The following RAP1GDS1 variants were observed in gnomAD, a reference collection of about 807,000 sequenced individuals.
RAP1GDS1 encodes the protein Rap1 GTPase-GDP dissociation stimulator 1, also known as RAP1, GTP-GDP dissociation stimulator 1.
In RAP1GDS1, 35 loss-of-function variants were observed where a neutral mutation model predicts 71.1. That is an observed-to-expected ratio of 0.49 (90% CI 0.38 to 0.65). The LOEUF (loss-of-function observed/expected upper bound fraction) is 0.65, where lower values mean the gene tolerates loss of function less well. Among genes scored for constraint, RAP1GDS1 ranks in the 30% least tolerant of loss-of-function variants. RAP1GDS1 has a pLI of 0.00. For missense variants in RAP1GDS1, 663 were observed against 706.1 expected (o/e 0.94, Z 0.69); for synonymous variants, 229 against 243.1 (o/e 0.94, Z 0.54).
chr4:98,311,659 C>A (rs893258620), intron 2 of RAP1GDS1, among the ~76,000 whole-genome samples: 1 of 152,104 alleles, frequency 6.6e-6, no homozygotes, highest in Non-Finnish European at 1.5e-5. Context: ...TGTTTTGAGA[C>A]AGGGTTTTGC....
intron 4 of RAP1GDS1, among the ~76,000 whole-genome samples, chr4:98,353,122 A>G (rs1737456742): frequency 6.6e-6 from 1 of 152,202 alleles, no homozygotes; most frequent in Admixed American, 6.5e-5. Flanking sequence ...ACATTCTATA[A>G]TATACTGTTC....
chr4:98,367,931 A>G (rs1560910821), intron 4 of RAP1GDS1, among the ~76,000 whole-genome samples: 1 of 152,276 alleles, frequency 6.6e-6, no homozygotes, highest in Non-Finnish European at 1.5e-5. Context: ...TAATGCTGAA[A>G]TAAGAATTTG....
In RAP1GDS1 at chr4:98,416,835, A is replaced by G; in HGVS notation, c.854A>G (p.Asp285Gly). 6.2e-7 allele frequency: 1 copy of G among 1,614,020 alleles called. No homozygotes were observed. ...AAAGTGGATAGTGACAAAGAAGATG[A>G]TATTACTGAGCTCAAAACTGGTTCA... ...QQKVDSDKED[D>G]ITELKTGSDL... The change falls in exon 8 of 15, where the codon GAT becomes GGT. Residue 285 changes from aspartate to glycine, a missense_variant. Coordinates refer to ENST00000408927, the MANE Select transcript of RAP1GDS1 (RefSeq NM_001100427.2).
At chr4:98,414,919 A>G (rs1747699033) in intron 7 of RAP1GDS1, among the ~76,000 whole-genome samples, 3 of 151,570 alleles carry the variant, frequency 2.0e-5, no homozygotes, top group African/African-American at 4.9e-5. Flanking sequence ...TTCTCCTTGA[A>G]GAGGTCCTTC....
At chr4:98,270,139 T>A (rs964693191) in intron 1 of RAP1GDS1, among the ~76,000 whole-genome samples, 1 of 152,012 alleles carries the variant, frequency 6.6e-6, no homozygotes, top group Non-Finnish European at 1.5e-5. Flanking sequence ...AAAGAGAAAA[T>A]CCACTCTGGT....
At chr4:98,366,706 G>A (rs1367562623) in intron 4 of RAP1GDS1, among the ~76,000 whole-genome samples, 15 of 152,140 alleles carry the variant, frequency 9.9e-5, no homozygotes, top group Admixed American at 9.8e-4. Context: ...TGGAGCAAAG[G>A]TGATTCTTGT....
chr4:98,323,353 A>G (rs1578436415), intron 2 of RAP1GDS1, among the ~76,000 whole-genome samples: 2 of 140,368 alleles, frequency 1.4e-5, no homozygotes, highest in South Asian at 2.3e-4. Context: ...ACAAGGAGGA[A>G]CTGGTACCAT....
chr4:98,330,225 A>G (rs1436975457), intron 2 of RAP1GDS1, among the ~76,000 whole-genome samples: 1 of 152,242 alleles, frequency 6.6e-6, no homozygotes, highest in African/African-American at 2.4e-5. Flanking sequence ...ACTTCTTTCT[A>G]CACAGACACA....
intron 9 of RAP1GDS1, 74 bp from the exon 10 acceptor site, chr4:98,418,583 G>T: frequency 7.7e-7 from 1 of 1,294,412 alleles, no homozygotes; most frequent in Non-Finnish European, 1.0e-6. Flanking sequence ...GTAGATAATA[G>T]CCAGACATCA....
intron 2 of RAP1GDS1, among the ~76,000 whole-genome samples, chr4:98,325,499 A>G (rs1448655994): frequency 2.0e-5 from 3 of 151,866 alleles, no homozygotes; most frequent in African/African-American, 7.3e-5. Context: ...ATTATTCACA[A>G]TAGCAAAGAC....
At position 98,442,146 on chromosome 4, in the gene RAP1GDS1, T is replaced by C. The variant is rs1255556611; in HGVS notation, c.*29T>C. On this transcript the variant is annotated 3_prime_UTR_variant, in exon 15 of 15. Coordinates refer to ENST00000408927, the MANE Select transcript of RAP1GDS1 (RefSeq NM_001100427.2). Reference sequence around the variant, plus strand: ...CTGCCCGATACACGGCATCATCCCATCTCTAATTTCCCCTCTGTCCTCCAT... The same window carrying C: ...CTGCCCGATACACGGCATCATCCCACCTCTAATTTCCCCTCTGTCCTCCAT... 1 of 1,606,574 alleles carries C rather than the reference T, an allele frequency of 6.2e-7. No individual in the cohort carries two copies. The highest frequency in any genetic ancestry group is 8.5e-7 in the Non-Finnish European group (1 of 1,177,954).
At chr4:98,362,316 C>CA (rs1738853681) in intron 4 of RAP1GDS1, among the ~76,000 whole-genome samples, 1 of 152,048 alleles carries the variant, frequency 6.6e-6, no homozygotes, top group South Asian at 2.1e-4. Flanking sequence ...CGCATCTCTA[C>CA]AAAAAATAAA....
At chr4:98,397,983 A>G (rs1471980656) in intron 6 of RAP1GDS1, among the ~76,000 whole-genome samples, 1 of 152,144 alleles carries the variant, frequency 6.6e-6, no homozygotes, top group African/African-American at 2.4e-5. Context: ...CCTATAGGGA[A>G]TCTTGCAGTC....
At chr4:98,369,410 G>A (rs754584848) in intron 4 of RAP1GDS1, among the ~76,000 whole-genome samples, 9 of 152,044 alleles carry the variant, frequency 5.9e-5, no homozygotes, top group African/African-American at 1.4e-4. Flanking sequence ...AGACTTATGC[G>A]TGAATGTTCA....
At chr4:98,269,947 A>G (rs1217531365) in intron 1 of RAP1GDS1, among the ~76,000 whole-genome samples, 2 of 152,182 alleles carry the variant, frequency 1.3e-5, no homozygotes, top group East Asian at 1.9e-4. Flanking sequence ...TTGTGCTGCT[A>G]TGACAGAATA....
chr4:98,320,006 T>C (rs1262961674), intron 2 of RAP1GDS1, among the ~76,000 whole-genome samples: 1 of 152,168 alleles, frequency 6.6e-6, no homozygotes, highest in Non-Finnish European at 1.5e-5. Context: ...ACTTTTATGA[T>C]GATCCACTTC....
intron 12 of RAP1GDS1, among the ~76,000 whole-genome samples, chr4:98,423,355 G>A (rs1247871446): frequency 6.6e-6 from 1 of 152,188 alleles, no homozygotes; most frequent in East Asian, 1.9e-4. Context: ...AAGCAGTATT[G>A]CTAGAACACA....
intron 4 of RAP1GDS1, among the ~76,000 whole-genome samples, chr4:98,358,178 A>G (rs987910058): frequency 6.6e-6 from 1 of 152,048 alleles, no homozygotes; most frequent in South Asian, 2.1e-4. Flanking sequence ...ACAAAATAGT[A>G]GGAGGGACTT....
At chr4:98,431,138 C>A (rs1349729518) in intron 12 of RAP1GDS1, among the ~76,000 whole-genome samples, 1 of 152,166 alleles carries the variant, frequency 6.6e-6, no homozygotes, top group African/African-American at 2.4e-5. Context: ...GTAGAGAATT[C>A]TTTATCAGTT....
Sources: gnomAD v4.1 joint callset for allele counts (sites outside exome capture counted in the v4.1 genomes callset) on GRCh38, gnomAD v4.1.1 for gene constraint, MANE v1.5 for transcripts, NCBI Gene and HGNC (gene_info 2026-07-23, HGNC 2026-07-21) for gene names.